ANK3: variants seen among roughly 807,000 people sequenced by gnomAD.
ANK3 encodes the protein ankyrin 3.
ANK3 carries 57 observed loss-of-function variants against 370.9 expected under a neutral mutation model. The ratio of observed to expected loss-of-function variants is 0.15; its 90% CI spans 0.12 to 0.19. The LOEUF (loss-of-function observed/expected upper bound fraction) is 0.19. Ranked by LOEUF, ANK3 falls within the 10% of genes least tolerant of loss-of-function variation. The pLI, the probability that ANK3 is intolerant of heterozygous loss-of-function variation, is 1.00. For missense variants in ANK3, 4,439 were observed against 5,302.1 expected, an observed-to-expected ratio of 0.84 and a Z score of 5.06; for synonymous variants, 1,929 against 1,946.3, an observed-to-expected ratio of 0.99 and a Z score of 0.23.
At chr10:60,449,545 G>A (rs1349301815) in intron 2 of ANK3, among the ~76,000 whole-genome samples, 1 of 152,128 alleles carries the variant, frequency 6.6e-6, no homozygotes, top group Non-Finnish European at 1.5e-5. Context: ...TATTCAGATT[G>A]TACTTAAGAA....
chr10:60,280,850 G>A (rs912898230), intron 1 of ANK3, among the ~76,000 whole-genome samples: 3 of 152,178 alleles, frequency 2.0e-5, no homozygotes, highest in African/African-American at 7.2e-5. Context: ...CCCAGGTGGA[G>A]TTTAGTTTCT....
chr10:60,465,789 C>CTTTTTTTTTTTTT (rs1205787609), intron 2 of ANK3, among the ~76,000 whole-genome samples: 3 of 109,672 alleles, frequency 2.7e-5, no homozygotes, highest in East Asian at 2.5e-4. Context: ...TTTTTTCTTT[C>CTTTTTTTTTTTTT]TTTTTTTTTT....
chr10:60,336,095 G>GGC (rs1364459816), intron 1 of ANK3, among the ~76,000 whole-genome samples: 8 of 152,160 alleles, frequency 5.3e-5, no homozygotes, highest in African/African-American at 1.9e-4. Flanking sequence ...TTTGGCGGGG[G>GGC]GGGGAAGCTG....
At chr10:60,531,237 C>T (rs1184753724) in intron 2 of ANK3, among the ~76,000 whole-genome samples, 1 of 152,014 alleles carries the variant, frequency 6.6e-6, no homozygotes, top group Non-Finnish European at 1.5e-5. Context: ...GAGTACCACA[C>T]AACCACGCAC....
At chr10:60,467,117 G>A (rs959513463) in intron 2 of ANK3, among the ~76,000 whole-genome samples, 1 of 152,114 alleles carries the variant, frequency 6.6e-6, no homozygotes, top group African/African-American at 2.4e-5. Flanking sequence ...AAAATATGGA[G>A]AGTGAAACTC....
intron 2 of ANK3, among the ~76,000 whole-genome samples, chr10:60,489,311 G>A (rs1375649987): frequency 1.3e-5 from 2 of 152,128 alleles, no homozygotes; most frequent in Non-Finnish European, 2.9e-5. Flanking sequence ...CAAGTGCCCA[G>A]GAGCCAAGAC....
chr10:60,295,414 C>G (rs576620909), intron 1 of ANK3, among the ~76,000 whole-genome samples: 18 of 152,290 alleles, frequency 1.2e-4, no homozygotes, highest in Non-Finnish European at 2.4e-4. Context: ...GCATGGCACA[C>G]AGTTGGTCCC....
At chr10:60,139,136 T>G (rs2094464863) in intron 23 of ANK3, 49 bp from the exon 24 acceptor site, 1 of 1,593,304 alleles carries the variant, frequency 6.3e-7, no homozygotes, top group Non-Finnish European at 8.5e-7. Context: ...CTTTTGAAAG[T>G]GTCAGCTGTG....
intron 2 of ANK3, among the ~76,000 whole-genome samples, chr10:60,521,228 T>C (rs1458696411): frequency 6.6e-6 from 1 of 152,130 alleles, no homozygotes; most frequent in Non-Finnish European, 1.5e-5. Context: ...TAATCTGCCT[T>C]ATGAGTCAAG....
intron 2 of ANK3, among the ~76,000 whole-genome samples, chr10:60,534,251 G>A (rs2133204945): frequency 6.6e-6 from 1 of 152,114 alleles, no homozygotes; most frequent in East Asian, 1.9e-4. Context: ...CAGTCAGAGT[G>A]CAATGGTTGG....
rs72811824 is a variant in ANK3 at position 60,619,601 on chromosome 10, C to A, written c.58-4377G>T. Among the ~76,000 whole-genome samples the A allele has an allele frequency of 2.3e-3, 352 of 152,246 alleles. 1 individual carries two copies. The highest frequency in any genetic ancestry group is 2.7e-3 in the Non-Finnish European group (182 of 68,010). On this transcript the variant is annotated intron_variant, in intron 1 of 43. Coordinates refer to the ANK3 transcript ENST00000373827. ...TAAAAATGGAAAGCACAATCATGTG[C>A]CTAGGGCTCTCACATTTTATCTTCT...
At chr10:60,182,074 T>C (rs1296123938) in intron 17 of ANK3, among the ~76,000 whole-genome samples, 3 of 151,040 alleles carry the variant, frequency 2.0e-5, no homozygotes, top group African/African-American at 7.3e-5. Context: ...TCTACAAAAA[T>C]TAGACTTTTT....
At chr10:60,495,288 C>T (rs2075625613) in intron 2 of ANK3, among the ~76,000 whole-genome samples, 1 of 152,126 alleles carries the variant, frequency 6.6e-6, no homozygotes, top group South Asian at 2.1e-4. Context: ...TTCTAGAATG[C>T]TACTACTCAA....
chr10:60,228,028 C>T (rs2097189307), intron 8 of ANK3, among the ~76,000 whole-genome samples: 1 of 152,056 alleles, frequency 6.6e-6, no homozygotes, highest in South Asian at 2.1e-4. Flanking sequence ...ATGACTTTTC[C>T]CAGCAGAAGG....
chr10:60,192,001 C>T lies in ANK3; in HGVS notation c.1887+4144G>A, dbSNP rs534166091. 3.9e-3 allele frequency among the ~76,000 whole-genome samples: 596 copies of T among 152,138 alleles called. 2 individuals carry two copies. The highest frequency in any genetic ancestry group is 8.5e-3 in the South Asian group (41 of 4,810). On this transcript the variant is annotated intron_variant, in intron 16 of 43. Transcript: ENST00000280772. ...TTGGCTCACTGCATCCTCTGCCTCC[C>T]GGGTTTCAGTGATTCTCCTGCCTCA... is the stretch of plus-strand genomic sequence containing the variant.
At chr10:60,083,693 G>T in intron 32 of ANK3, 76 bp from the exon 33 acceptor site, 1 of 1,279,342 alleles carries the variant, frequency 7.8e-7, no homozygotes. Flanking sequence ...GTCACGTAAC[G>T]TTAAAAGACT....
intron 2 of ANK3, among the ~76,000 whole-genome samples, chr10:60,428,108 A>G (rs2063930661): frequency 6.6e-6 from 1 of 152,132 alleles, no homozygotes; most frequent in African/African-American, 2.4e-5. Context: ...TGAAAGGTTA[A>G]TTAAATAGCA....
At chr10:60,202,459 T>C (rs759959848) in intron 12 of ANK3, among the ~76,000 whole-genome samples, 6 of 152,238 alleles carry the variant, frequency 3.9e-5, no homozygotes, top group Non-Finnish European at 5.9e-5. Flanking sequence ...CCAGTAGTAA[T>C]GCACCTGTAA....
intron 1 of ANK3, among the ~76,000 whole-genome samples, chr10:60,364,055 A>G (rs2059049401): frequency 6.8e-6 from 1 of 147,144 alleles, no homozygotes; most frequent in Non-Finnish European, 1.5e-5. Flanking sequence ...GCACTTTCGG[A>G]GGCTGAGGCG....
Sources: allele counts gnomAD v4.1 joint callset (sites outside exome capture counted in the v4.1 genomes callset), GRCh38; gene constraint gnomAD v4.1.1; transcripts MANE v1.5; gene names NCBI Gene and HGNC (gene_info 2026-07-23, HGNC 2026-07-21).